The following DNAJC16 variants were observed in gnomAD, a reference collection of about 807,000 sequenced individuals.
DNAJC16 encodes dnaJ homolog subfamily C member 16.
In DNAJC16, 76 loss-of-function variants were observed where a neutral mutation model predicts 92.7. The ratio of observed to expected loss-of-function variants is 0.82; its 90% CI spans 0.68 to 0.99. The LOEUF (loss-of-function observed/expected upper bound fraction) is 0.99. Among genes scored for constraint, DNAJC16 ranks in the 50% least tolerant of loss-of-function variants. The probability of loss-of-function intolerance (pLI) is 0.00; values close to 1 mark genes in which losing one functional copy is unlikely to be tolerated. For missense variants in DNAJC16, 869 were observed against 942.4 expected (o/e 0.92, Z 1.02); for synonymous variants, 328 against 358.7 (o/e 0.91, Z 0.97).
At chr1:15,535,019 AAG>A (rs1206354547) in intron 3 of DNAJC16, among the ~76,000 whole-genome samples, 1 of 152,238 alleles carries the variant, frequency 6.6e-6, no homozygotes, top group Non-Finnish European at 1.5e-5. Flanking sequence ...ATATGCATCA[AAG>A]AGAATTCAGT....
rs529093525 is a variant in DNAJC16 at position 15,538,349 on chromosome 1, C to T, written c.574+1535C>T. Among the ~76,000 whole-genome samples, 27 of 151,432 alleles carry T rather than the reference C, an allele frequency of 1.8e-4. 1 individual carries two copies. The highest frequency in any genetic ancestry group is 1.4e-3 in the Admixed American group (22 of 15,182). ...AGCAGAGGTTGCAGTGAGCCAAGAT[C>T]GTGCCACTGCACTCCAGCCTGGGTG... is the stretch of plus-strand genomic sequence containing the variant. On this transcript the variant is annotated intron_variant, in intron 4 of 14. Coordinates refer to ENST00000375847, the MANE Select transcript of DNAJC16 (RefSeq NM_015291.4).
chr1:15,570,514 T>C lies in DNAJC16; in HGVS notation c.*2337T>C, dbSNP rs142242336. On this transcript the variant is annotated 3_prime_UTR_variant, in exon 15 of 15. Coordinates refer to ENST00000375847, the MANE Select transcript of DNAJC16 (RefSeq NM_015291.4). ...ATATGAGCCACCATGCCAGATTTGTTCATTTTTAAACATTTTTATCTCTTC... is the reference window on the plus strand; with the variant it reads ...ATATGAGCCACCATGCCAGATTTGTCCATTTTTAAACATTTTTATCTCTTC... 7.9e-5 allele frequency: 12 copies of C among 152,328 alleles called. No individual in the cohort carries two copies. In the East Asian group the frequency reaches 2.3e-3, roughly 29 times the overall value. 9.4% of individuals were successfully genotyped at this position (152,328 alleles called of 1,614,324 possible). A position where few individuals can be genotyped will look rare whatever the true frequency, so the allele number is the denominator to read the frequency against.
In DNAJC16 at chr1:15,568,821, C is replaced by G. The variant is rs1638878906; in HGVS notation, c.*644C>G. The G allele has an allele frequency of 2.5e-6, 1 of 397,864 alleles. No individual in the cohort carries two copies. Among genetic ancestry groups the G allele is most frequent in the Non-Finnish European group, 4.4e-6 (1 of 225,870 alleles). 24.6% of individuals were successfully genotyped at this position (397,864 alleles called of 1,614,324 possible). ...AACGGGAGTTCTGCATGTGAGTTCT[C>G]AAGAAAAGGAAAGGGAGGCTGAGCA... On this transcript the variant is annotated 3_prime_UTR_variant, in exon 15 of 15. Transcript: ENST00000375847.
At chr1:15,567,007 GA>G in intron 13 of DNAJC16, 91 bp from the exon 14 acceptor site, 1 of 1,252,874 alleles carries the variant, frequency 8.0e-7, no homozygotes, top group East Asian at 2.4e-5. Flanking sequence ...AGTCTGGTTA[GA>G]ACATAGCATT....
rs775593045 is a variant in DNAJC16, at chr1:15,536,767, A to G, written c.527A>G (p.His176Arg). 1.2e-6 allele frequency: 2 copies of G among 1,612,644 alleles called. No homozygotes were observed. The highest frequency in any genetic ancestry group is 2.2e-5 in the South Asian group (2 of 90,440). ...TCCGATTGGTGCTTTAGCTGCATTCATATCGAGCCTGTGTGGAAAGAAGTC... is the reference window on the plus strand; with the variant it reads ...TCCGATTGGTGCTTTAGCTGCATTCGTATCGAGCCTGTGTGGAAAGAAGTC... ...ITSDWCFSCI[H>R]IEPVWKEVIQ... Residue 176 changes from histidine (H) to arginine (R), a missense_variant, in exon 4 of 15, where the codon CAT (histidine) becomes CGT (arginine). By Grantham distance (29) the His-to-Arg change is conservative (BLOSUM62 0). Transcript: ENST00000375847.
At chr1:15,539,479 C>T (rs1710880056) in intron 4 of DNAJC16, among the ~76,000 whole-genome samples, 2 of 151,902 alleles carry the variant, frequency 1.3e-5, no homozygotes, top group African/African-American at 4.8e-5. Context: ...ATCTCCTGAC[C>T]TCGTGATCCG....
At chr1:15,557,003 G>A (rs1638584919) in intron 7 of DNAJC16, among the ~76,000 whole-genome samples, 1 of 152,080 alleles carries the variant, frequency 6.6e-6, no homozygotes. Context: ...ATTCTCTAAT[G>A]TTAAACCTAA....
intron 4 of DNAJC16, among the ~76,000 whole-genome samples, chr1:15,540,075 C>T (rs1481134893): frequency 6.6e-6 from 1 of 152,098 alleles, no homozygotes; most frequent in African/African-American, 2.4e-5. Context: ...CCTGTAATCC[C>T]AGCACTTTGG....
At chr1:15,536,362 G>A (rs113167917) in intron 3 of DNAJC16, 113 bp from the exon 4 acceptor site, 25,794 of 858,906 alleles carry the variant, frequency 0.03, 647 homozygotes, top group African/African-American at 0.11. Context: ...TTACAGGTGT[G>A]AGCCACCACG....
chr1:15,563,683 A>AC (rs1638741668), intron 9 of DNAJC16, among the ~76,000 whole-genome samples: 1 of 148,942 alleles, frequency 6.7e-6, no homozygotes, highest in African/African-American at 2.5e-5. Flanking sequence ...AAAAAAAAAA[A>AC]AAAAAAATAC....
chr1:15,536,440 T>C, intron 3 of DNAJC16, 35 bp from the exon 4 acceptor site: 1 of 1,510,022 alleles, frequency 6.6e-7, no homozygotes, highest in Non-Finnish European at 8.9e-7. Flanking sequence ...GGATGAACCT[T>C]TTGTTGTTGT....
intron 14 of DNAJC16, 36 bp downstream of exon 14, chr1:15,567,305 TGA>T (rs554028100): frequency 1.1e-3 from 1,734 of 1,554,602 alleles, no homozygotes; most frequent in South Asian, 2.7e-3. Flanking sequence ...TGTATGTGTG[TGA>T]GAGAGAGAGA....
intron 6 of DNAJC16, among the ~76,000 whole-genome samples, chr1:15,547,582 G>C (rs1159051946): frequency 1.3e-5 from 2 of 151,584 alleles, no homozygotes; most frequent in Non-Finnish European, 2.9e-5. Flanking sequence ...AGCTGGGACT[G>C]CAGGCACACA....
chr1:15,549,771 G>A (rs1450273066), intron 7 of DNAJC16, among the ~76,000 whole-genome samples: 2 of 139,728 alleles, frequency 1.4e-5, no homozygotes, highest in South Asian at 2.2e-4. Flanking sequence ...CTGAGATCAC[G>A]CCGCCCACTG....
chr1:15,549,032 C>T (rs1638380300), intron 7 of DNAJC16, among the ~76,000 whole-genome samples: 1 of 152,070 alleles, frequency 6.6e-6, no homozygotes. Context: ...CCTTTTTTCA[C>T]CCATCCAACT....
At chr1:15,564,817 C>CCACACT (rs1638773744) in intron 11 of DNAJC16, among the ~76,000 whole-genome samples, 1 of 151,198 alleles carries the variant, frequency 6.6e-6, no homozygotes, top group South Asian at 2.1e-4. Flanking sequence ...GTGTGAACCA[C>CCACACT]TGCTCCCGGA....
intron 4 of DNAJC16, among the ~76,000 whole-genome samples, chr1:15,537,388 G>A (rs577485260): frequency 1.3e-4 from 20 of 152,268 alleles, no homozygotes; most frequent in African/African-American, 4.6e-4. Flanking sequence ...AGAGGGCCCA[G>A]AACTAGCACC....
intron 1 of DNAJC16, among the ~76,000 whole-genome samples, chr1:15,527,261 T>G (rs1325809773): frequency 6.6e-6 from 1 of 152,054 alleles, no homozygotes; most frequent in Non-Finnish European, 1.5e-5. Context: ...GGCAGGTGTT[T>G]GCTGCTCCGA....
Position 15,568,753 on chromosome 1 carries a change from CCAA to C in DNAJC16, c.*582_*584del. 1 of 398,774 alleles carries C rather than the reference CCAA, an allele frequency of 2.5e-6. No individual in the cohort carries two copies. Among genetic ancestry groups the C allele is most frequent in the East Asian group, 3.6e-5 (1 of 28,084 alleles). The allele number at this position is 398,774 out of a possible 1,614,324, so 24.7% of individuals were successfully genotyped here. ...TAAATGTATATTTTGGGGGTATCCC[CCAA>C]CAACAGTTTGTTGGCCACAGGTTGA... On this transcript the variant is annotated 3_prime_UTR_variant, in exon 15 of 15. Coordinates refer to ENST00000375847, the MANE Select transcript of DNAJC16 (RefSeq NM_015291.4).
Sources: allele counts gnomAD v4.1 joint callset (sites outside exome capture counted in the v4.1 genomes callset), GRCh38; gene constraint gnomAD v4.1.1; transcripts MANE v1.5; gene names NCBI Gene and HGNC (gene_info 2026-07-23, HGNC 2026-07-21).